The following MYO6 variants were observed in gnomAD, a reference collection of about 807,000 sequenced individuals.
MYO6 encodes myosin VI.
A neutral mutation model predicts 178.7 loss-of-function variants in MYO6; 74 were observed. That is an observed-to-expected ratio of 0.41 (90% CI 0.34 to 0.50). MYO6 has a LOEUF of 0.50. Ranked by LOEUF, MYO6 falls within the 20% of genes least tolerant of loss-of-function variation. MYO6 has a pLI of 0.09. For synonymous variants in MYO6, 477 were observed against 504.6 expected (o/e 0.95, Z 0.73); for missense variants, 1,330 against 1,547.4 (o/e 0.86, Z 2.36).
intron 1 of MYO6, among the ~76,000 whole-genome samples, chr6:75,764,928 G>A (rs1047042477): frequency 6.6e-6 from 1 of 151,536 alleles, no homozygotes; most frequent in African/African-American, 2.4e-5. Flanking sequence ...GAATCCAGGA[G>A]GTGGAGCTTG....
chr6:75,880,090 G>A lies in MYO6; in HGVS notation c.2256G>A (p.Gly752=). ...TAAATGAAAATGACTACAAGTTTGG[G>A]TTAACCAAAGTATTTTTTAGACCTG... is the stretch of plus-strand genomic sequence containing the variant. ...LGLNENDYKF[G]LTKVFFRPGK... The change falls in exon 22 of 35, where the codon GGG becomes GGA. Residue 752 remains glycine (G), a synonymous_variant. Coordinates refer to ENST00000369977, the MANE Select transcript of MYO6 (RefSeq NM_004999.4). 1 of 1,611,366 alleles carries A rather than the reference G, an allele frequency of 6.2e-7. No homozygotes were observed. The highest frequency in any genetic ancestry group is 8.5e-7 in the Non-Finnish European group (1 of 1,179,440).
At chr6:75,909,948 T>G (rs1780636240) in intron 32 of MYO6, among the ~76,000 whole-genome samples, 1 of 152,162 alleles carries the variant, frequency 6.6e-6, no homozygotes, top group African/African-American at 2.4e-5. Flanking sequence ...AAGAATAGAT[T>G]GAGTGAGGGC....
intron 1 of MYO6, among the ~76,000 whole-genome samples, chr6:75,759,719 A>T (rs1053970130): frequency 4.6e-5 from 7 of 152,272 alleles, no homozygotes; most frequent in Non-Finnish European, 7.4e-5. Flanking sequence ...TTTAAAAAAA[A>T]CTTGTAGCAT....
intron 8 of MYO6, 90 bp from the exon 9 acceptor site, chr6:75,841,124 T>C: frequency 1.6e-6 from 2 of 1,219,732 alleles, no homozygotes; most frequent in Non-Finnish European, 2.3e-6. Flanking sequence ...AGACAAATGG[T>C]ATTAGAAAAG....
rs1161960477 is a variant in MYO6 at position 75,848,338 on chromosome 6, T to G, written c.898-13T>G. On this transcript the variant is annotated splice_polypyrimidine_tract_variant and intron_variant, in intron 10 of 34. Transcript: ENST00000369977. The stretch of plus-strand genomic sequence containing the variant: ...TGTAACGATCAGTTAATTGGTGTCT[T>G]CTTGTTTTGTAGTACCTTAAGGCAG... The G allele has an allele frequency of 1.2e-6, 2 of 1,611,560 alleles. No individual in the cohort carries two copies. Among genetic ancestry groups the G allele is most frequent in the Non-Finnish European group, 1.7e-6 (2 of 1,177,866 alleles).
chr6:75,799,485 C>T (rs902599142), intron 1 of MYO6, among the ~76,000 whole-genome samples: 23 of 151,934 alleles, frequency 1.5e-4, no homozygotes, highest in African/African-American at 5.6e-4. Context: ...AAGAGAGTCT[C>T]ATTTTTGTAA....
intron 4 of MYO6, among the ~76,000 whole-genome samples, chr6:75,829,717 A>T (rs894667598): frequency 2.0e-5 from 3 of 152,182 alleles, no homozygotes; most frequent in Non-Finnish European, 4.4e-5. Context: ...TTTAGAGGCA[A>T]AATTTACTCA....
At chr6:75,843,910 A>G (rs1388495841) in intron 9 of MYO6, among the ~76,000 whole-genome samples, 5 of 152,054 alleles carry the variant, frequency 3.3e-5, no homozygotes, top group Admixed American at 2.0e-4. Flanking sequence ...TTTTTTTGGT[A>G]TGTGTATGAT....
intron 16 of MYO6, among the ~76,000 whole-genome samples, chr6:75,866,313 C>T (rs1188564110): frequency 1.9e-5 from 2 of 104,084 alleles, no homozygotes; most frequent in Non-Finnish European, 4.6e-5. Context: ...GTGTGTCTTA[C>T]ACCTATTTTC....
rs925644331 is a variant in MYO6, at chr6:75,844,970, G to A, written c.890G>A (p.Ser297Asn). 6.2e-7 allele frequency: 1 copy of A among 1,610,334 alleles called. No individual in the cohort carries two copies. Among genetic ancestry groups the A allele is most frequent in the East Asian group, 2.2e-5 (1 of 44,768 alleles). ...TDKQILQNRK[S>N]PEYLKAGSMK... ...AAACAGATTTTACAGAACCGCAAAA[G>A]TCCTGAGGTATAGTAGACCATTGTT... is the stretch of plus-strand genomic sequence containing the variant. The change falls in exon 10 of 35, where the codon AGT (serine) becomes AAT (asparagine). Residue 297 changes from serine (S) to asparagine (N), a missense_variant. By Grantham distance (46) the Ser-to-Asn change is conservative. Coordinates refer to ENST00000369977, the MANE Select transcript of MYO6 (RefSeq NM_004999.4).
intron 2 of MYO6, among the ~76,000 whole-genome samples, chr6:75,821,693 T>A (rs1290697936): frequency 6.6e-6 from 1 of 152,122 alleles, no homozygotes; most frequent in Non-Finnish European, 1.5e-5. Context: ...TGAACCATTT[T>A]TCCCTGCAGT....
At chr6:75,776,394 G>A (rs1210599338) in intron 1 of MYO6, among the ~76,000 whole-genome samples, 1 of 152,318 alleles carries the variant, frequency 6.6e-6, no homozygotes, top group Middle Eastern at 3.4e-3. Context: ...AATATTAGCA[G>A]CAATGGTTAG....
intron 1 of MYO6, among the ~76,000 whole-genome samples, chr6:75,787,676 T>TTCTCTC (rs765565236): frequency 5.2e-4 from 13 of 25,004 alleles, no homozygotes; most frequent in Non-Finnish European, 6.5e-4. Context: ...AATGGAACTA[T>TTCTCTC]TCTCTCTCTC....
intron 1 of MYO6, among the ~76,000 whole-genome samples, chr6:75,800,144 T>C (rs979624961): frequency 1.1e-4 from 16 of 152,210 alleles, no homozygotes; most frequent in African/African-American, 3.9e-4. Flanking sequence ...TTTCACTTCA[T>C]GGTTCAACCC....
chr6:75,772,618 T>G (rs778803584), intron 1 of MYO6, among the ~76,000 whole-genome samples: 2 of 152,164 alleles, frequency 1.3e-5, no homozygotes, highest in Non-Finnish European at 2.9e-5. Flanking sequence ...TAAGAACACA[T>G]GTGGAGAAGT....
At chr6:75,829,154 C>T (rs1055179792) in intron 4 of MYO6, among the ~76,000 whole-genome samples, 5 of 151,916 alleles carry the variant, frequency 3.3e-5, no homozygotes, top group Admixed American at 6.6e-5. Context: ...TTCATTAGAC[C>T]GTAGGTACTC....
chr6:75,865,864 T>G (rs532450798), intron 16 of MYO6, among the ~76,000 whole-genome samples: 17 of 152,158 alleles, frequency 1.1e-4, no homozygotes, highest in Admixed American at 2.0e-4. Flanking sequence ...GGTAGGAGAG[T>G]CCCTTTGCTG....
intron 33 of MYO6, among the ~76,000 whole-genome samples, chr6:75,913,230 T>C (rs1217709761): frequency 6.6e-6 from 1 of 152,186 alleles, no homozygotes; most frequent in African/African-American, 2.4e-5. Context: ...GGGAAATGTT[T>C]ACATTTGCAG....
At chr6:75,808,155 G>GA (rs1440394549) in intron 1 of MYO6, among the ~76,000 whole-genome samples, 18 of 152,358 alleles carry the variant, frequency 1.2e-4, no homozygotes, top group Middle Eastern at 3.4e-3. Context: ...TAGTCTGCTA[G>GA]AAGTGTAGAC....
Sources: allele counts gnomAD v4.1 joint callset (sites outside exome capture counted in the v4.1 genomes callset), GRCh38; gene constraint gnomAD v4.1.1; transcripts MANE v1.5; gene names NCBI Gene and HGNC (gene_info 2026-07-23, HGNC 2026-07-21).